ANO3: variants seen among roughly 807,000 people sequenced by gnomAD.
ANO3 encodes anoctamin-3.
In ANO3, 99 loss-of-function variants were observed where a neutral mutation model predicts 144.8. The ratio of observed to expected loss-of-function variants is 0.68; its 90% CI spans 0.58 to 0.81. The LOEUF is 0.81. Ranked by LOEUF, ANO3 falls within the 30% of genes least tolerant of loss-of-function variation. The pLI is 0.00. For missense variants in ANO3, 905 were observed against 1,202.2 expected (o/e 0.75, Z 3.66); for synonymous variants, 414 against 392.6 (o/e 1.05, Z -0.64).
intron 5 of ANO3, among the ~76,000 whole-genome samples, chr11:26,516,537 G>A (rs1861870907): frequency 6.6e-6 from 1 of 151,852 alleles, no homozygotes; most frequent in African/African-American, 2.4e-5. Flanking sequence ...TTTTTAATTG[G>A]CTCATGATTG....
chr11:26,601,479 T>G lies in ANO3; in HGVS notation c.1836+1765T>G, dbSNP rs941110677. Among the ~76,000 whole-genome samples the G allele has an allele frequency of 2.6e-5, 4 of 152,114 alleles. No homozygotes were observed. In the East Asian group the frequency reaches 7.7e-4, roughly 29 times the overall value. ...AAGTGAATACTGTTTACATTATCTC[T>G]AAACGAGCCATAAAATAATTTATGC... is the stretch of plus-strand genomic sequence containing the variant. On this transcript the variant is annotated intron_variant, in intron 17 of 26. Transcript: ENST00000256737.
chr11:26,312,398 T>A (rs1338253773), intron 1 of ANO3, among the ~76,000 whole-genome samples: 1 of 152,242 alleles, frequency 6.6e-6, no homozygotes, highest in East Asian at 1.9e-4. Context: ...TTTCTAGTTC[T>A]GGATCCTTGA....
chr11:26,479,965 C>T (rs1015671492), intron 4 of ANO3, among the ~76,000 whole-genome samples: 1 of 151,990 alleles, frequency 6.6e-6, no homozygotes, highest in African/African-American at 2.4e-5. Flanking sequence ...TCGCTAGGGG[C>T]AGAGGAAAAG....
intron 17 of ANO3, among the ~76,000 whole-genome samples, chr11:26,622,051 G>T (rs959575051): frequency 6.6e-6 from 1 of 152,112 alleles, no homozygotes; most frequent in Non-Finnish European, 1.5e-5. Context: ...ATTTATTTTT[G>T]TAGTCTGTAG....
chr11:26,650,585 A>G (rs1565166804), intron 24 of ANO3, among the ~76,000 whole-genome samples: 1 of 152,218 alleles, frequency 6.6e-6, no homozygotes, highest in African/African-American at 2.4e-5. Context: ...GGCACCAAAC[A>G]GTATTGCTAG....
At chr11:26,231,631 C>T (rs1440578008) in intron 1 of ANO3, among the ~76,000 whole-genome samples, 1 of 152,108 alleles carries the variant, frequency 6.6e-6, no homozygotes, top group Non-Finnish European at 1.5e-5. Context: ...GTTTCGGATT[C>T]AAATTCTTTC....
At chr11:26,626,626 G>A (rs1205199598) in intron 18 of ANO3, among the ~76,000 whole-genome samples, 1 of 152,112 alleles carries the variant, frequency 6.6e-6, no homozygotes, top group Non-Finnish European at 1.5e-5. Flanking sequence ...TTACTGAGGG[G>A]AAATCCTAGT....
intron 1 of ANO3, among the ~76,000 whole-genome samples, chr11:26,424,029 A>G (rs1379402271): frequency 6.6e-6 from 1 of 151,956 alleles, no homozygotes; most frequent in African/African-American, 2.4e-5. Context: ...AGTGCATAAG[A>G]CATATGAATT....
intron 11 of ANO3, among the ~76,000 whole-genome samples, chr11:26,544,865 A>T (rs1210122525): frequency 6.6e-6 from 1 of 151,672 alleles, no homozygotes; most frequent in African/African-American, 2.4e-5. Flanking sequence ...ACATAGGAGG[A>T]TTTTTTTTCT....
intron 1 of ANO3, among the ~76,000 whole-genome samples, chr11:26,266,220 T>C (rs547016479): frequency 5.9e-5 from 9 of 152,208 alleles, no homozygotes; most frequent in East Asian, 1.9e-4. Context: ...ATACACAGCA[T>C]TCAGTTTCTC....
rs1407508039 is a variant in ANO3, at chr11:26,624,487, T to C, written c.1862T>C (p.Leu621Pro). ...GCTTATGAAAAAATTGCTTACCTCC[T>C]CACCAATTTAGGTAAGTCCATTTTT... ...NLAYEKIAYL[L>P]TNLEYPRTES... Residue 621 changes from leucine to proline, a missense_variant, in exon 18 of 27, where the codon CTC becomes CCC. Transcript: ENST00000256737. 3.1e-6 allele frequency: 5 copies of C among 1,605,548 alleles called. No homozygotes were observed. The highest frequency in any genetic ancestry group is 4.3e-6 in the Non-Finnish European group (5 of 1,172,998).
chr11:26,503,826 C>T (rs529243602), intron 4 of ANO3, among the ~76,000 whole-genome samples: 251 of 152,122 alleles, frequency 1.6e-3, no homozygotes, highest in African/African-American at 5.7e-3. Context: ...TAATTGTTAG[C>T]GTTCCATTTT....
chr11:26,432,025 G>A (rs893614535), intron 1 of ANO3, among the ~76,000 whole-genome samples: 17 of 152,060 alleles, frequency 1.1e-4, no homozygotes, highest in Non-Finnish European at 1.9e-4. Flanking sequence ...TCCCACCAAC[G>A]GTGTAGAAGT....
chr11:26,297,104 T>C (rs1451112393), intron 1 of ANO3, among the ~76,000 whole-genome samples: 1 of 152,086 alleles, frequency 6.6e-6, no homozygotes, highest in Non-Finnish European at 1.5e-5. Context: ...TTCAGATTAC[T>C]TCCTATAATT....
At chr11:26,497,437 A>G (rs1188680319) in intron 4 of ANO3, among the ~76,000 whole-genome samples, 1 of 152,088 alleles carries the variant, frequency 6.6e-6, no homozygotes, top group East Asian at 1.9e-4. Context: ...TTTTTGATAG[A>G]GGTTGTACTA....
rs529609672 is a variant in ANO3 at position 26,271,669 on chromosome 11, T to G, written c.155-37976T>G. Among the ~76,000 whole-genome samples, 5 of 150,878 alleles carry G rather than the reference T, an allele frequency of 3.3e-5. No homozygotes were observed. The South Asian group carries it at 8.3e-4, about 25-fold the overall frequency. ...TCACTACTTAAAAATTTAGTTGATT[T>G]TTATAAACACTATAAACTTAAGATT... On this transcript the variant is annotated intron_variant, in intron 1 of 27. Coordinates refer to the ANO3 transcript ENST00000672621.
chr11:26,459,708 AG>A (rs1460715445), intron 3 of ANO3, among the ~76,000 whole-genome samples: 1 of 152,088 alleles, frequency 6.6e-6, no homozygotes, highest in Non-Finnish European at 1.5e-5. Flanking sequence ...ATTACATATT[AG>A]TGGTATGTGC....
In ANO3 at chr11:26,479,530, A is replaced by G. The variant is rs184007490; in HGVS notation, c.432+16382A>G. On this transcript the variant is annotated intron_variant, in intron 4 of 26. Transcript: ENST00000256737. ...GTGGGGGCAGGCAGAGAGTTTGGGC[A>G]GGGGAACTCCCATTTATAAAACCAT... Among the ~76,000 whole-genome samples the G allele has an allele frequency of 6.4e-3, 977 of 152,220 alleles. 10 individuals carry two copies. The highest frequency in any genetic ancestry group is 0.022 in the African/African-American group (920 of 41,530).
At chr11:26,483,790 T>C (rs753026388) in intron 4 of ANO3, among the ~76,000 whole-genome samples, 3 of 151,740 alleles carry the variant, frequency 2.0e-5, no homozygotes, top group Admixed American at 6.6e-5. Context: ...TGGGCAGAGG[T>C]TGGAAGAGTG....
Sources: allele counts gnomAD v4.1 joint callset (sites outside exome capture counted in the v4.1 genomes callset), GRCh38; gene constraint gnomAD v4.1.1; transcripts MANE v1.5; gene names NCBI Gene and HGNC (gene_info 2026-07-23, HGNC 2026-07-21).